ADGRG7: variants seen among roughly 807,000 people sequenced by gnomAD.
ADGRG7 encodes the protein G-protein coupled receptor 128.
ADGRG7 carries 82 observed loss-of-function variants against 88.6 expected under a neutral mutation model. That is an observed-to-expected ratio of 0.93 (90% CI 0.77 to 1.11). The LOEUF (loss-of-function observed/expected upper bound fraction) is 1.11. Ranked by LOEUF, ADGRG7 falls within the 50% of genes most tolerant of loss-of-function variation. The pLI, the probability that ADGRG7 is intolerant of heterozygous loss-of-function variation, is 0.00. For synonymous variants in ADGRG7, 381 were observed against 345.2 expected (o/e 1.10, Z -1.15); for missense variants, 945 against 953.4 (o/e 0.99, Z 0.12).
At chr3:100,679,680 T>C (rs139119142) in intron 15 of ADGRG7, among the ~76,000 whole-genome samples, 16 of 152,330 alleles carry the variant, frequency 1.1e-4, no homozygotes, top group Admixed American at 2.0e-4. Context: ...ATAGTAGCAA[T>C]AGAGTTGGAC....
At chr3:100,666,867 C>A (rs554455341) in intron 14 of ADGRG7, among the ~76,000 whole-genome samples, 1 of 152,264 alleles carries the variant, frequency 6.6e-6, no homozygotes, top group East Asian at 1.9e-4. Flanking sequence ...GAGCACGCTG[C>A]CTTCAAGCAT....
rs1385079907 is a variant in ADGRG7, at chr3:100,643,343, C to A, written c.776C>A (p.Ser259Ter). ...SVVEPNIAIQ[S>*]ANFSSENAVG... The stretch of plus-strand genomic sequence containing the variant: ...GTGGAACCTAACATAGCAATACAGT[C>A]AGCAAATTTCTCTTCAGAAAATGCG... The change falls in exon 7 of 16, where the codon TCA becomes TAA. Residue 259 changes from serine (S) to a stop codon, truncating the protein, a stop_gained. Transcript: ENST00000273352. LOFTEE classifies it high-confidence loss of function. 2 of 1,614,068 alleles carry A rather than the reference C, an allele frequency of 1.2e-6. No individual in the cohort carries two copies. The highest frequency in any genetic ancestry group is 1.7e-6 in the Non-Finnish European group (2 of 1,179,920).
At chr3:100,622,817 A>G (rs911611831) in intron 1 of ADGRG7, among the ~76,000 whole-genome samples, 4 of 151,698 alleles carry the variant, frequency 2.6e-5, no homozygotes, top group Non-Finnish European at 5.9e-5. Context: ...GCTGGAGTGC[A>G]GTGGCATGAT....
chr3:100,634,875 A>C (rs1707509968), intron 4 of ADGRG7, among the ~76,000 whole-genome samples: 1 of 152,198 alleles, frequency 6.6e-6, no homozygotes, highest in Non-Finnish European at 1.5e-5. Flanking sequence ...GGGATCTAGC[A>C]ATTGAATTAG....
At chr3:100,689,012 A>G (rs1222790234) in intron 15 of ADGRG7, among the ~76,000 whole-genome samples, 1 of 152,154 alleles carries the variant, frequency 6.6e-6, no homozygotes, top group Non-Finnish European at 1.5e-5. Context: ...GTGGGAGTCT[A>G]AGTCTCTTTG....
chr3:100,625,355 G>A (rs1707367249), intron 1 of ADGRG7, among the ~76,000 whole-genome samples: 1 of 152,088 alleles, frequency 6.6e-6, no homozygotes, highest in South Asian at 2.1e-4. Context: ...TTGGTGTATA[G>A]TTGTGCTTGT....
Position 100,695,011 on chromosome 3 carries a change from C to G in ADGRG7, c.*10C>G. 1.2e-6 allele frequency: 2 copies of G among 1,610,508 alleles called. No individual in the cohort carries two copies. Among genetic ancestry groups the G allele is most frequent in the South Asian group, 2.2e-5 (2 of 90,754 alleles). ...AAAGGAAAGCATCTAGACAGTAAAA[C>G]TTACCTGTTGTGGTCTTTTTAATCA... On this transcript the variant is annotated 3_prime_UTR_variant, in exon 16 of 16. Transcript: ENST00000273352.
At chr3:100,685,107 C>T (rs1011971085) in intron 15 of ADGRG7, among the ~76,000 whole-genome samples, 1 of 152,064 alleles carries the variant, frequency 6.6e-6, no homozygotes, top group African/African-American at 2.4e-5. Context: ...GTTATTTTGA[C>T]TTCCTTACTT....
In ADGRG7 at chr3:100,633,168, A is replaced by T. The variant is rs1168628315; in HGVS notation, c.335-97A>T. 1.8e-5 allele frequency: 10 copies of T among 541,128 alleles called. No homozygotes were observed. The East Asian group carries it at 3.7e-4, about 20-fold the overall frequency. 33.5% of individuals were successfully genotyped at this position (541,128 alleles called of 1,614,324 possible). A position where few individuals can be genotyped will look rare whatever the true frequency, so the allele number is the denominator to read the frequency against. ...AATAATAGGCAATAATTTTTAATAA[A>T]TTATAACTTTTAATAAAAATTAGTT... On this transcript the variant is annotated intron_variant, in intron 3 of 15. Coordinates refer to ENST00000273352, the MANE Select transcript of ADGRG7 (RefSeq NM_032787.3).
chr3:100,656,059 T>G, intron 13 of ADGRG7, 64 bp downstream of exon 13: 1 of 886,332 alleles, frequency 1.1e-6, no homozygotes, highest in African/African-American at 1.6e-5. Context: ...TCAGTGATAT[T>G]GACTCCGAGT....
At chr3:100,615,683 A>C (rs1420744222) in intron 1 of ADGRG7, among the ~76,000 whole-genome samples, 1 of 152,232 alleles carries the variant, frequency 6.6e-6, no homozygotes, top group Non-Finnish European at 1.5e-5. Flanking sequence ...TCTTGTTTAC[A>C]AACATAGAAG....
At chr3:100,677,678 A>T (rs2094967273) in intron 15 of ADGRG7, among the ~76,000 whole-genome samples, 1 of 152,138 alleles carries the variant, frequency 6.6e-6, no homozygotes, top group Non-Finnish European at 1.5e-5. Context: ...TGTTTGAAGG[A>T]TATTTTCACC....
At chr3:100,623,534 TA>T (rs1007491517) in intron 1 of ADGRG7, among the ~76,000 whole-genome samples, 2 of 152,062 alleles carry the variant, frequency 1.3e-5, no homozygotes, top group Non-Finnish European at 2.9e-5. Flanking sequence ...TTCCAATTTT[TA>T]AAAAAAATTT....
chr3:100,665,092 C>G, intron 14 of ADGRG7: 2 of 507,084 alleles, frequency 3.9e-6, no homozygotes, highest in South Asian at 2.9e-5. Flanking sequence ...ATTCTTCAGT[C>G]AGTTCTTCCG....
chr3:100,619,913 T>C (rs1707283249), intron 1 of ADGRG7, among the ~76,000 whole-genome samples: 1 of 152,154 alleles, frequency 6.6e-6, no homozygotes, highest in Non-Finnish European at 1.5e-5. Flanking sequence ...GAGGCAATAA[T>C]CAATAGCTTA....
intron 11 of ADGRG7, among the ~76,000 whole-genome samples, chr3:100,652,410 T>G (rs147030684): frequency 1.4e-3 from 220 of 152,288 alleles, no homozygotes; most frequent in African/African-American, 4.9e-3. Context: ...GGTTAGAACT[T>G]TAGGCATAGT....
chr3:100,678,818 G>GTC (rs1044958874), intron 15 of ADGRG7, among the ~76,000 whole-genome samples: 3 of 152,042 alleles, frequency 2.0e-5, no homozygotes, highest in Non-Finnish European at 4.4e-5. Context: ...CTCTCTCTCT[G>GTC]TCTCTCTCTC....
chr3:100,618,476 C>T (rs1168506290), intron 1 of ADGRG7, among the ~76,000 whole-genome samples: 1 of 152,148 alleles, frequency 6.6e-6, no homozygotes, highest in Non-Finnish European at 1.5e-5. Context: ...AATAGGGAAT[C>T]ATTTTCCCAT....
chr3:100,620,833 G>A (rs763266232), intron 1 of ADGRG7, among the ~76,000 whole-genome samples: 2 of 79,770 alleles, frequency 2.5e-5, no homozygotes, highest in African/African-American at 7.6e-5. Context: ...TAGGTATTAT[G>A]TTTTTTTTTT....
Sources: allele counts gnomAD v4.1 joint callset (sites outside exome capture counted in the v4.1 genomes callset), GRCh38; gene constraint gnomAD v4.1.1; transcripts MANE v1.5; gene names NCBI Gene and HGNC (gene_info 2026-07-23, HGNC 2026-07-21).